Variants in MGAT4C observed in about 807,000 individuals in gnomAD.
The protein encoded by MGAT4C is alpha-1,3-mannosyl-glycoprotein 4-beta-N-acetylglucosaminyltransferase C.
MGAT4C carries 19 observed loss-of-function variants against 40.1 expected under a neutral mutation model. That is an observed-to-expected ratio of 0.47 (90% CI 0.33 to 0.70). MGAT4C has a LOEUF of 0.70. Among genes scored for constraint, MGAT4C ranks in the 30% least tolerant of loss-of-function variants. The pLI, the probability that MGAT4C is intolerant of heterozygous loss-of-function variation, is 0.02. For missense variants in MGAT4C, 491 were observed against 563.2 expected, an observed-to-expected ratio of 0.87 and a Z score of 1.30; for synonymous variants, 181 against 187.1, an observed-to-expected ratio of 0.97 and a Z score of 0.27.
intron 3 of MGAT4C, among the ~76,000 whole-genome samples, chr12:86,383,928 A>G (rs1411505593): frequency 6.6e-6 from 1 of 152,170 alleles, no homozygotes; most frequent in Non-Finnish European, 1.5e-5. Context: ...CTCAGATCTT[A>G]TCTTGAATTC....
chr12:86,673,833 CAT>C (rs1400295868), intron 2 of MGAT4C, among the ~76,000 whole-genome samples: 4 of 148,100 alleles, frequency 2.7e-5, no homozygotes, highest in African/African-American at 4.9e-5. Flanking sequence ...GAAAAAAAAA[CAT>C]TATCAATTAG....
At chr12:86,181,778 A>C (rs939030657) in intron 1 of MGAT4C, among the ~76,000 whole-genome samples, 1 of 152,028 alleles carries the variant, frequency 6.6e-6, no homozygotes, top group Admixed American at 6.6e-5. Context: ...AGCAAATAAA[A>C]GCAATAGGTC....
intron 1 of MGAT4C, among the ~76,000 whole-genome samples, chr12:86,816,089 T>C (rs1388657585): frequency 6.6e-6 from 1 of 151,892 alleles, no homozygotes; most frequent in Non-Finnish European, 1.5e-5. Flanking sequence ...CCCAATAAGA[T>C]TTTGAGTAGA....
intron 1 of MGAT4C, among the ~76,000 whole-genome samples, chr12:86,803,509 C>T (rs1952276035): frequency 1.3e-5 from 2 of 151,962 alleles, no homozygotes; most frequent in Non-Finnish European, 2.9e-5. Context: ...TTTTCCCAAC[C>T]TACTCATCTG....
intron 1 of MGAT4C, among the ~76,000 whole-genome samples, chr12:86,730,774 G>A (rs890349155): frequency 8.5e-5 from 13 of 152,192 alleles, no homozygotes; most frequent in Admixed American, 8.5e-4. Context: ...GTAAATATAA[G>A]ACAATTTAAC....
At chr12:86,612,374 T>A (rs1056004095) in intron 2 of MGAT4C, among the ~76,000 whole-genome samples, 1 of 152,164 alleles carries the variant, frequency 6.6e-6, no homozygotes, top group Non-Finnish European at 1.5e-5. Context: ...TAGATGCCTG[T>A]TATACATTCA....
At chr12:86,686,670 T>C (rs1950078132) in intron 2 of MGAT4C, among the ~76,000 whole-genome samples, 1 of 152,198 alleles carries the variant, frequency 6.6e-6, no homozygotes, top group African/African-American at 2.4e-5. Context: ...CAGCCTTGCA[T>C]CCCAGGGATG....
chr12:86,322,278 C>T (rs1308854746), intron 4 of MGAT4C, among the ~76,000 whole-genome samples: 8 of 150,620 alleles, frequency 5.3e-5, no homozygotes, highest in Admixed American at 5.3e-4. Flanking sequence ...ATGTAAATGA[C>T]GAGTTAAGGG....
chr12:85,979,145 C>A lies in MGAT4C; in HGVS notation c.*144G>T. On this transcript the variant is annotated 3_prime_UTR_variant, in exon 5 of 5. Transcript: ENST00000611864. ...GTGTGTATTAAGAGTAAAATTATGTCAACAATGTATAAATGAAAACTGCCA... is the reference window on the plus strand; with the variant it reads ...GTGTGTATTAAGAGTAAAATTATGTAAACAATGTATAAATGAAAACTGCCA... The A allele has an allele frequency of 1.6e-6, 1 of 621,492 alleles. No homozygotes were observed. 38.5% of individuals were successfully genotyped at this position (621,492 alleles called of 1,614,324 possible).
intron 1 of MGAT4C, among the ~76,000 whole-genome samples, chr12:86,825,000 T>C (rs1424868153): frequency 1.3e-5 from 2 of 151,386 alleles, no homozygotes; most frequent in Non-Finnish European, 3.0e-5. Flanking sequence ...GAACTGTTTC[T>C]GATCTAAGTA....
At chr12:86,539,705 T>C (rs1429756450) in intron 2 of MGAT4C, among the ~76,000 whole-genome samples, 1 of 152,216 alleles carries the variant, frequency 6.6e-6, no homozygotes, top group African/African-American at 2.4e-5. Flanking sequence ...TTTTTAATGA[T>C]AGCCATTCTA....
chr12:86,321,388 T>C (rs1954382483), intron 4 of MGAT4C, among the ~76,000 whole-genome samples: 1 of 152,184 alleles, frequency 6.6e-6, no homozygotes, highest in Admixed American at 6.5e-5. Flanking sequence ...TCATTTACAC[T>C]TGGATGAAGA....
chr12:86,235,629 C>A (rs1232457235), intron 1 of MGAT4C, among the ~76,000 whole-genome samples: 1 of 152,020 alleles, frequency 6.6e-6, no homozygotes, highest in Non-Finnish European at 1.5e-5. Flanking sequence ...GTCTGAAATG[C>A]CATATCATTG....
At chr12:86,512,687 A>G (rs1031990899) in intron 2 of MGAT4C, among the ~76,000 whole-genome samples, 1 of 152,152 alleles carries the variant, frequency 6.6e-6, no homozygotes, top group Admixed American at 6.5e-5. Flanking sequence ...TCACAGGATA[A>G]ATACTGCATG....
chr12:86,079,387 G>C (rs1223793756), intron 1 of MGAT4C, among the ~76,000 whole-genome samples: 3 of 152,076 alleles, frequency 2.0e-5, no homozygotes, highest in Non-Finnish European at 4.4e-5. Flanking sequence ...CAACCTCAAG[G>C]CAAAGTGAGG....
chr12:86,264,180 T>C (rs1051965948), intron 4 of MGAT4C, among the ~76,000 whole-genome samples: 2 of 152,202 alleles, frequency 1.3e-5, no homozygotes, highest in Non-Finnish European at 2.9e-5. Flanking sequence ...AGAAGCTTTT[T>C]AGTTTAAGTT....
intron 2 of MGAT4C, among the ~76,000 whole-genome samples, chr12:86,017,912 T>C (rs1222849436): frequency 6.6e-6 from 1 of 152,188 alleles, no homozygotes; most frequent in Non-Finnish European, 1.5e-5. Flanking sequence ...CTTGGGAAGA[T>C]AGTGTGTGGG....
intron 3 of MGAT4C, among the ~76,000 whole-genome samples, chr12:86,367,366 G>T (rs541835925): frequency 6.6e-6 from 1 of 152,292 alleles, no homozygotes; most frequent in East Asian, 1.9e-4. Flanking sequence ...GCTAAAAGCA[G>T]AATCCAGTGT....
intron 2 of MGAT4C, among the ~76,000 whole-genome samples, chr12:86,511,855 CACTA>C (rs1958593823): frequency 6.6e-6 from 1 of 152,036 alleles, no homozygotes. Context: ...TTGGATATAA[CACTA>C]ACAACATTGG....
Sources: allele counts gnomAD v4.1 joint callset (sites outside exome capture counted in the v4.1 genomes callset), GRCh38; gene constraint gnomAD v4.1.1; transcripts MANE v1.5; gene names NCBI Gene and HGNC (gene_info 2026-07-23, HGNC 2026-07-21).